HIVEP1: variants seen among roughly 807,000 people sequenced by gnomAD.
HIVEP1 encodes the protein zinc finger protein 40.
In HIVEP1, 36 loss-of-function variants were observed where a neutral mutation model predicts 180.0. That is an observed-to-expected ratio of 0.20 (90% CI 0.15 to 0.26). The LOEUF is 0.26. Among genes scored for constraint, HIVEP1 ranks in the 10% least tolerant of loss-of-function variants. The probability of loss-of-function intolerance (pLI) is 1.00; values close to 1 mark genes in which losing one functional copy is unlikely to be tolerated. For synonymous variants in HIVEP1, 1,239 were observed against 1,239.0 expected (o/e 1.00, Z 0.00); for missense variants, 3,143 against 3,268.7 (o/e 0.96, Z 0.94).
intron 2 of HIVEP1, among the ~76,000 whole-genome samples, chr6:12,050,381 C>T (rs1291030994): frequency 2.0e-5 from 3 of 152,092 alleles, no homozygotes; most frequent in African/African-American, 4.8e-5. Flanking sequence ...GTCAGGAGAT[C>T]GAGACCATCC....
At chr6:12,165,408 T>C (rs1760675803), downstream of HIVEP1, among the ~76,000 whole-genome samples, 2 of 152,292 alleles carry the variant, frequency 1.3e-5, no homozygotes, top group South Asian at 4.1e-4. Flanking sequence ...GATCCATTCG[T>C]GGGCTATGGG....
intron 2 of HIVEP1, among the ~76,000 whole-genome samples, chr6:12,044,898 G>C (rs1159664586): frequency 6.6e-6 from 1 of 152,212 alleles, no homozygotes; most frequent in Non-Finnish European, 1.5e-5. Context: ...CCTTCTCCAA[G>C]CTGACTGGAC....
At position 12,164,540 on chromosome 6, in the gene HIVEP1, A is replaced by G; in HGVS notation, c.*79A>G. On this transcript the variant is annotated 3_prime_UTR_variant, in exon 9 of 9. Transcript: ENST00000379388. ...GAAAACCCTCCTTTCCTTAAAGCAC[A>G]TTTTTCTGACATAAACTCATGACTA... 2.7e-6 allele frequency: 3 copies of G among 1,102,816 alleles called. No homozygotes were observed. Among genetic ancestry groups the G allele is most frequent in the Non-Finnish European group, 3.8e-6 (3 of 789,684 alleles). The allele number at this position is 1,102,816 out of a possible 1,614,324, so 68.3% of individuals were successfully genotyped here. A position where few individuals can be genotyped will look rare whatever the true frequency, so the allele number is the denominator to read the frequency against.
intron 2 of HIVEP1, among the ~76,000 whole-genome samples, chr6:12,071,736 T>G (rs1335510159): frequency 6.6e-6 from 1 of 152,244 alleles, no homozygotes; most frequent in East Asian, 1.9e-4. Context: ...CCTAGTGTTT[T>G]AAGGCTTTTC....
At chr6:12,168,873 G>C (rs1276339416), downstream of HIVEP1, among the ~76,000 whole-genome samples, 1 of 152,114 alleles carries the variant, frequency 6.6e-6, no homozygotes, top group African/African-American at 2.4e-5. Context: ...CAGTAGGTTA[G>C]ATATATTAAA....
At chr6:12,015,779 G>A (rs919233167) in intron 2 of HIVEP1, 111 bp downstream of exon 2, 3 of 837,646 alleles carry the variant, frequency 3.6e-6, no homozygotes, top group Non-Finnish European at 5.9e-6. Flanking sequence ...CTGGTGAGGA[G>A]CGCTATTTCT....
chr6:12,076,503 C>T (rs1772361624), intron 2 of HIVEP1, among the ~76,000 whole-genome samples: 1 of 152,092 alleles, frequency 6.6e-6, no homozygotes, highest in East Asian at 1.9e-4. Context: ...GCTGGGATTC[C>T]AAGATCAAGG....
At chr6:12,136,256 C>T (rs1418955722) in intron 7 of HIVEP1, among the ~76,000 whole-genome samples, 1 of 152,034 alleles carries the variant, frequency 6.6e-6, no homozygotes, top group Non-Finnish European at 1.5e-5. Flanking sequence ...TCTCTTTTAC[C>T]TACCCTCATG....
rs1419632465 is a variant in HIVEP1 at position 12,082,245 on chromosome 6, A to G, written c.41-6939A>G. On this transcript the variant is annotated intron_variant, in intron 2 of 8. Coordinates refer to ENST00000379388, the MANE Select transcript of HIVEP1 (RefSeq NM_002114.4). ...AGTATCTGATTCAGTATGTCCTTCT[A>G]GAAACCTACAGTATCATGGCTCTGT... Among the ~76,000 whole-genome samples the G allele has an allele frequency of 3.3e-5, 5 of 152,156 alleles. 1 individual carries two copies. Among genetic ancestry groups the G allele is most frequent in the Admixed American group, 2.6e-4 (4 of 15,266 alleles).
At chr6:12,159,410 C>T (rs1224393137) in intron 7 of HIVEP1, among the ~76,000 whole-genome samples, 2 of 151,774 alleles carry the variant, frequency 1.3e-5, no homozygotes, top group East Asian at 1.9e-4. Flanking sequence ...AAAAAAATAC[C>T]TAATTTGCTA....
At chr6:12,168,386 A>G (rs1428511027), downstream of HIVEP1, among the ~76,000 whole-genome samples, 1 of 138,390 alleles carries the variant, frequency 7.2e-6, no homozygotes, top group Non-Finnish European at 1.6e-5. Context: ...GTATATATGT[A>G]TATATATAAT....
chr6:12,191,258 G>A, the HIVEP1 span, among the ~76,000 whole-genome samples: 2 of 152,148 alleles, frequency 1.3e-5, no homozygotes, highest in Admixed American at 1.3e-4. Flanking sequence ...TGTCTACATT[G>A]ATTTGTTAAA....
the HIVEP1 span, among the ~76,000 whole-genome samples, chr6:12,211,484 TATAC>T: frequency 4.2e-5 from 1 of 23,532 alleles, no homozygotes; most frequent in Non-Finnish European, 1.3e-4. Context: ...TGTATATATA[TATAC>T]ACACACACAC....
chr6:12,174,384 C>T, the HIVEP1 span, among the ~76,000 whole-genome samples: 81 of 152,102 alleles, frequency 5.3e-4, no homozygotes, highest in Non-Finnish European at 9.3e-4. Context: ...AAGTTAAATG[C>T]TTGATGAAAG....
the HIVEP1 span, among the ~76,000 whole-genome samples, chr6:12,186,850 T>C: frequency 5.3e-4 from 80 of 151,222 alleles, no homozygotes; most frequent in African/African-American, 1.8e-3. Context: ...AAGAGTATTA[T>C]AAATTTGTTT....
chr6:12,053,006 A>G (rs1391994860), intron 2 of HIVEP1, among the ~76,000 whole-genome samples: 2 of 152,164 alleles, frequency 1.3e-5, no homozygotes, highest in Non-Finnish European at 2.9e-5. Context: ...TTTGATTGTC[A>G]TTATTGCAAA....
chr6:12,011,975 C>G (rs1170281450), upstream of HIVEP1: 1 of 146,122 alleles, frequency 6.8e-6, no homozygotes, highest in Non-Finnish European at 1.5e-5. Context: ...TTCGCCCTGC[C>G]TCCCCCGCGC....
At chr6:12,180,112 AT>A in the HIVEP1 span, among the ~76,000 whole-genome samples, 33,696 of 151,728 alleles carry the variant, frequency 0.22, 4,397 homozygotes, top group Non-Finnish European at 0.29. Flanking sequence ...AACACTTCAC[AT>A]TTTTTTTCGT....
At chr6:12,065,240 G>A (rs2113765149) in intron 2 of HIVEP1, among the ~76,000 whole-genome samples, 1 of 152,300 alleles carries the variant, frequency 6.6e-6, no homozygotes, top group Middle Eastern at 3.4e-3. Flanking sequence ...GATAAATGTT[G>A]GGACCTGGGA....
Sources: allele counts gnomAD v4.1 joint callset (sites outside exome capture counted in the v4.1 genomes callset), GRCh38; gene constraint gnomAD v4.1.1; transcripts MANE v1.5; gene names NCBI Gene and HGNC (gene_info 2026-07-23, HGNC 2026-07-21).